Variants in FAM107B observed in about 807,000 individuals in gnomAD.
FAM107B encodes family with sequence similarity 107 member B.
A neutral mutation model predicts 31.5 loss-of-function variants in FAM107B; 21 were observed. The ratio of observed to expected loss-of-function variants is 0.67; its 90% CI spans 0.47 to 0.96. The LOEUF is 0.96. Among genes scored for constraint, FAM107B ranks in the 40% least tolerant of loss-of-function variants. The probability of loss-of-function intolerance (pLI) is 0.00; values close to 1 mark genes in which losing one functional copy is unlikely to be tolerated. For missense variants in FAM107B, 452 were observed against 377.1 expected (o/e 1.20, Z -1.64); for synonymous variants, 157 against 141.5 (o/e 1.11, Z -0.78).
At chr10:14,772,290 G>C (rs1035291033) in intron 1 of FAM107B, among the ~76,000 whole-genome samples, 1 of 151,788 alleles carries the variant, frequency 6.6e-6, no homozygotes, top group Non-Finnish European at 1.5e-5. Context: ...GGAGGCAGAG[G>C]CTGCAGTGAG....
chr10:14,587,122 A>G (rs1445977492), intron 2 of FAM107B, among the ~76,000 whole-genome samples: 2 of 152,132 alleles, frequency 1.3e-5, no homozygotes, highest in Admixed American at 6.5e-5. Flanking sequence ...TTCCTGCCTG[A>G]TAATAGTCAC....
intron 2 of FAM107B, among the ~76,000 whole-genome samples, chr10:14,653,194 C>G (rs943743533): frequency 6.6e-6 from 1 of 152,190 alleles, no homozygotes; most frequent in African/African-American, 2.4e-5. Flanking sequence ...AGAATCAGGC[C>G]TTTGCAAAAT....
chr10:14,732,558 G>T (rs1856198459), intron 1 of FAM107B, among the ~76,000 whole-genome samples: 1 of 151,950 alleles, frequency 6.6e-6, no homozygotes, highest in Non-Finnish European at 1.5e-5. Context: ...TCTAAACTGT[G>T]AACTGCTGTA....
At chr10:14,527,849 A>G (rs540634481) in intron 3 of FAM107B, 16 of 233,418 alleles carry the variant, frequency 6.9e-5, no homozygotes, top group South Asian at 6.4e-4. Context: ...GTCTCTAAAA[A>G]GTATACAAAA....
At chr10:14,626,661 A>G (rs1314674760) in intron 2 of FAM107B, among the ~76,000 whole-genome samples, 14 of 151,348 alleles carry the variant, frequency 9.3e-5, no homozygotes, top group Admixed American at 2.6e-4. Context: ...CCGCCACCAC[A>G]CCCGGCTAAT....
chr10:14,554,263 A>T, intron 2 of FAM107B: 11 of 445,980 alleles, frequency 2.5e-5, no homozygotes, highest in Non-Finnish European at 3.0e-5. Flanking sequence ...TGCAGTTCAC[A>T]GCACTGCAGG....
intron 2 of FAM107B, among the ~76,000 whole-genome samples, chr10:14,566,704 C>T (rs1047829001): frequency 6.6e-6 from 1 of 152,218 alleles, no homozygotes; most frequent in Non-Finnish European, 1.5e-5. Context: ...GTAGAACATG[C>T]TCTCAAAATG....
chr10:14,660,467 G>C (rs1488032187), intron 2 of FAM107B, among the ~76,000 whole-genome samples: 1 of 152,202 alleles, frequency 6.6e-6, no homozygotes, highest in Non-Finnish European at 1.5e-5. Context: ...ACAAGGGAAT[G>C]AATGAATGAA....
chr10:14,645,040 T>C (rs1157965528), intron 2 of FAM107B, among the ~76,000 whole-genome samples: 1 of 152,182 alleles, frequency 6.6e-6, no homozygotes. Flanking sequence ...ATTTCCAGGA[T>C]TCTAAAAATA....
At chr10:14,608,400 A>G (rs1320233265) in intron 2 of FAM107B, among the ~76,000 whole-genome samples, 1 of 152,216 alleles carries the variant, frequency 6.6e-6, no homozygotes, top group Non-Finnish European at 1.5e-5. Flanking sequence ...ATAAAAACAC[A>G]TGCTTTGCTC....
chr10:14,535,719 G>A (rs1218900907), intron 2 of FAM107B, among the ~76,000 whole-genome samples: 2 of 152,186 alleles, frequency 1.3e-5, no homozygotes, highest in Non-Finnish European at 2.9e-5. Context: ...GAATGGAGGG[G>A]ACTCACTGAA....
At chr10:14,540,733 C>T (rs1848106878) in intron 2 of FAM107B, among the ~76,000 whole-genome samples, 1 of 152,168 alleles carries the variant, frequency 6.6e-6, no homozygotes, top group African/African-American at 2.4e-5. Context: ...TCCTGACTTC[C>T]CAAGCTCTGG....
chr10:14,662,191 A>G (rs762840052), intron 2 of FAM107B, among the ~76,000 whole-genome samples: 2 of 152,192 alleles, frequency 1.3e-5, no homozygotes, highest in Non-Finnish European at 2.9e-5. Context: ...GGCACCTTGC[A>G]ATAAAGAACC....
chr10:14,690,242 A>G (rs1855099189), intron 1 of FAM107B, among the ~76,000 whole-genome samples: 2 of 151,910 alleles, frequency 1.3e-5, no homozygotes, highest in Non-Finnish European at 2.9e-5. Flanking sequence ...CAAGACACTT[A>G]CTCCACTGGC....
rs567602779 is a variant in FAM107B, at chr10:14,617,031, G to A, written c.469+50603C>T. 4.6e-5 allele frequency among the ~76,000 whole-genome samples: 7 copies of A among 152,238 alleles called. No homozygotes were observed. In the East Asian group the frequency reaches 1.3e-3, roughly 29 times the overall value. Reference sequence around the variant, plus strand: ...AGGATAAGGAAGAGAAGAAAAAGGAGAGGAGCAATAGGAGAAAAGAGAGAA... The same window carrying A: ...AGGATAAGGAAGAGAAGAAAAAGGAAAGGAGCAATAGGAGAAAAGAGAGAA... On this transcript the variant is annotated intron_variant, in intron 2 of 4. Transcript: ENST00000181796.
chr10:14,609,849 G>A (rs1036370624), intron 2 of FAM107B, among the ~76,000 whole-genome samples: 3 of 152,216 alleles, frequency 2.0e-5, no homozygotes, highest in Non-Finnish European at 2.9e-5. Context: ...AACATAGAAT[G>A]TGAGGGCAGG....
At chr10:14,763,761 CA>C (rs938017521) in intron 1 of FAM107B, among the ~76,000 whole-genome samples, 7 of 152,180 alleles carry the variant, frequency 4.6e-5, no homozygotes, top group African/African-American at 1.7e-4. Flanking sequence ...AGTCTGACCC[CA>C]CCTAAAGCAT....
At chr10:14,561,742 CAAT>C (rs954217367) in intron 2 of FAM107B, among the ~76,000 whole-genome samples, 13 of 152,166 alleles carry the variant, frequency 8.5e-5, no homozygotes, top group African/African-American at 2.7e-4. Context: ...GTGGATTCAA[CAAT>C]AAAAGAGAAT....
rs541298013 is a variant in FAM107B at position 14,701,518 on chromosome 10, C to G, written c.412-33827G>C. Among the ~76,000 whole-genome samples, 3 of 152,218 alleles carry G rather than the reference C, an allele frequency of 2.0e-5. No homozygotes were observed. The South Asian group carries it at 6.2e-4, about 32-fold the overall frequency. Reference sequence around the variant, plus strand: ...CCTCGGCCTCCCAAAGTGCTGGGATCATAGGCATGAGCCACCATGCCTGGC... The same window carrying G: ...CCTCGGCCTCCCAAAGTGCTGGGATGATAGGCATGAGCCACCATGCCTGGC... On this transcript the variant is annotated intron_variant, in intron 1 of 4. Transcript: ENST00000181796.
Sources: allele counts gnomAD v4.1 joint callset (sites outside exome capture counted in the v4.1 genomes callset), GRCh38; gene constraint gnomAD v4.1.1; transcripts MANE v1.5; gene names NCBI Gene and HGNC (gene_info 2026-07-23, HGNC 2026-07-21).